POU6F2: variants seen among roughly 807,000 people sequenced by gnomAD.
POU6F2 encodes POU class 6 homeobox 2, also known as POU domain, class 6, transcription factor 2.
POU6F2 carries 31 observed loss-of-function variants against 71.3 expected under a neutral mutation model. That is an observed-to-expected ratio of 0.43 (90% CI 0.33 to 0.59). POU6F2 has a LOEUF of 0.59. POU6F2 is among the 20% of genes least tolerant of loss of function. POU6F2 has a pLI of 0.04. For missense variants in POU6F2, 783 were observed against 856.8 expected (o/e 0.91, Z 1.07); for synonymous variants, 347 against 355.7 (o/e 0.98, Z 0.27).
At chr7:39,316,986 G>C (rs1470649241) in intron 4 of POU6F2, among the ~76,000 whole-genome samples, 1 of 152,184 alleles carries the variant, frequency 6.6e-6, no homozygotes, top group African/African-American at 2.4e-5. Flanking sequence ...GCTTCCCAGT[G>C]ACATGGGATT....
At chr7:39,245,600 C>T (rs1783806348) in intron 4 of POU6F2, among the ~76,000 whole-genome samples, 1 of 152,172 alleles carries the variant, frequency 6.6e-6, no homozygotes, top group Non-Finnish European at 1.5e-5. Context: ...GTTGGAAAGA[C>T]TATTAGTTCT....
intron 2 of POU6F2, among the ~76,000 whole-genome samples, chr7:39,094,860 C>G (rs759293722): frequency 9.9e-5 from 15 of 152,098 alleles, no homozygotes; most frequent in Non-Finnish European, 1.6e-4. Context: ...CCACATGTTC[C>G]TGTATTTAAA....
chr7:39,006,871 T>G, intron 1 of POU6F2: 1 of 1,613,312 alleles, frequency 6.2e-7, no homozygotes, highest in Non-Finnish European at 8.5e-7. Context: ...TCTTCAGGTA[T>G]TTTGTTGATT....
chr7:39,007,557 G>C (rs1789111284), intron 1 of POU6F2, among the ~76,000 whole-genome samples: 1 of 152,068 alleles, frequency 6.6e-6, no homozygotes, highest in African/African-American at 2.4e-5. Context: ...TTAAGTTTTA[G>C]GGTACATGTG....
chr7:39,435,186 C>T (rs1047242624), intron 7 of POU6F2, among the ~76,000 whole-genome samples: 6 of 152,172 alleles, frequency 3.9e-5, no homozygotes, highest in African/African-American at 7.2e-5. Context: ...GTTCCAGGTT[C>T]TAGATCCTTG....
chr7:39,001,669 T>G (rs1788911399), intron 1 of POU6F2, among the ~76,000 whole-genome samples: 1 of 388 alleles, frequency 2.6e-3, no homozygotes, highest in Non-Finnish European at 5.6e-3. Flanking sequence ...ATGGTGGTGG[T>G]GATGGTGATG....
At chr7:39,045,545 G>GT (rs201370310) in intron 1 of POU6F2, among the ~76,000 whole-genome samples, 102 of 143,238 alleles carry the variant, frequency 7.1e-4, no homozygotes, top group East Asian at 2.1e-3. Flanking sequence ...TCTTTAGCTT[G>GT]TTTTTTTTTT....
intron 2 of POU6F2, among the ~76,000 whole-genome samples, chr7:39,203,770 G>A (rs576277207): frequency 1.7e-4 from 26 of 152,214 alleles, no homozygotes; most frequent in South Asian, 2.1e-4. Context: ...TCAGGAAAGC[G>A]ATGTCATAAG....
chr7:39,274,487 A>T (rs1432128972), intron 4 of POU6F2, among the ~76,000 whole-genome samples: 4 of 136,340 alleles, frequency 2.9e-5, no homozygotes, highest in African/African-American at 1.1e-4. Context: ...AGGAACTGGT[A>T]CCATTCCTTC....
chr7:39,412,114 A>T (rs920082689), intron 6 of POU6F2, among the ~76,000 whole-genome samples: 2 of 152,232 alleles, frequency 1.3e-5, no homozygotes, highest in African/African-American at 4.8e-5. Context: ...TGGATATGTT[A>T]TAAAACCTTT....
At chr7:39,059,167 C>T (rs1790599044) in intron 1 of POU6F2, among the ~76,000 whole-genome samples, 1 of 151,906 alleles carries the variant, frequency 6.6e-6, no homozygotes, top group Non-Finnish European at 1.5e-5. Flanking sequence ...AGAGGTGTGC[C>T]CTATCAGCTC....
At chr7:39,162,358 G>A (rs968281059) in intron 2 of POU6F2, among the ~76,000 whole-genome samples, 20 of 152,170 alleles carry the variant, frequency 1.3e-4, no homozygotes, top group African/African-American at 4.8e-4. Context: ...AGCAGGCTTG[G>A]TTGCAATGCC....
chr7:39,130,021 C>A (rs1463863615), intron 2 of POU6F2, among the ~76,000 whole-genome samples: 2 of 143,038 alleles, frequency 1.4e-5, no homozygotes, highest in African/African-American at 5.3e-5. Flanking sequence ...GAGCCAAAAT[C>A]GTGCCACTGC....
intron 1 of POU6F2, among the ~76,000 whole-genome samples, chr7:39,009,464 G>T (rs550922993): frequency 3.9e-5 from 6 of 152,302 alleles, no homozygotes; most frequent in African/African-American, 1.4e-4. Context: ...CATGTCATCT[G>T]CAAACAGGGA....
At chr7:39,229,006 CT>C (rs1302134889) in intron 4 of POU6F2, among the ~76,000 whole-genome samples, 1 of 152,160 alleles carries the variant, frequency 6.6e-6, no homozygotes, top group African/African-American at 2.4e-5. Flanking sequence ...AAGTACATCC[CT>C]GCTGATCAGA....
intron 5 of POU6F2, among the ~76,000 whole-genome samples, chr7:39,356,527 C>A (rs1026435728): frequency 6.6e-6 from 1 of 152,102 alleles, no homozygotes; most frequent in African/African-American, 2.4e-5. Flanking sequence ...TTTTTATGAA[C>A]AATTTATTAT....
intron 2 of POU6F2, among the ~76,000 whole-genome samples, chr7:39,197,317 A>G (rs1478077143): frequency 6.6e-6 from 1 of 152,242 alleles, no homozygotes; most frequent in Non-Finnish European, 1.5e-5. Context: ...CAGGTCTCCA[A>G]CACATCCCAG....
intron 4 of POU6F2, among the ~76,000 whole-genome samples, chr7:39,330,609 G>T (rs2115562274): frequency 6.6e-6 from 1 of 152,280 alleles, no homozygotes; most frequent in East Asian, 1.9e-4. Flanking sequence ...GTGGATTTTA[G>T]TGCCACTCAA....
At chr7:39,012,780 TGCC>T (rs1290879820) in intron 1 of POU6F2, among the ~76,000 whole-genome samples, 1 of 147,956 alleles carries the variant, frequency 6.8e-6, no homozygotes, top group Non-Finnish European at 1.5e-5. Flanking sequence ...TGGAATACCC[TGCC>T]GTGTGAGGTG....
Sources: allele counts gnomAD v4.1 joint callset (sites outside exome capture counted in the v4.1 genomes callset), GRCh38; gene constraint gnomAD v4.1.1; transcripts MANE v1.5; gene names NCBI Gene and HGNC (gene_info 2026-07-23, HGNC 2026-07-21).